Variants in PHF20 observed in about 807,000 individuals in gnomAD.
PHF20 encodes the protein PHD finger protein 20.
A neutral mutation model predicts 113.5 loss-of-function variants in PHF20; 23 were observed. The ratio of observed to expected loss-of-function variants is 0.20; its 90% CI spans 0.15 to 0.29. The LOEUF is 0.29. PHF20 is among the 10% of genes least tolerant of loss of function. The probability of loss-of-function intolerance (pLI) is 1.00; values close to 1 mark genes in which losing one functional copy is unlikely to be tolerated. For synonymous variants in PHF20, 434 were observed against 457.3 expected (o/e 0.95, Z 0.65); for missense variants, 943 against 1,219.6 (o/e 0.77, Z 3.38).
chr20:35,825,797 G>T (rs1189905847), intron 2 of PHF20, among the ~76,000 whole-genome samples: 1 of 152,038 alleles, frequency 6.6e-6, no homozygotes, highest in South Asian at 2.1e-4. Flanking sequence ...GGGATTATAG[G>T]CATGCACTAT....
chr20:35,858,772 C>T (rs1265860938), intron 5 of PHF20, among the ~76,000 whole-genome samples: 3 of 152,070 alleles, frequency 2.0e-5, no homozygotes, highest in Admixed American at 6.5e-5. Flanking sequence ...GGGGTTTCAC[C>T]GTATTGGTCA....
At chr20:35,926,878 A>T (rs1322836014) in intron 13 of PHF20, among the ~76,000 whole-genome samples, 1 of 152,040 alleles carries the variant, frequency 6.6e-6, no homozygotes, top group Non-Finnish European at 1.5e-5. Flanking sequence ...TTCTAGGGCT[A>T]ATTTGTTTGG....
chr20:35,826,675 T>C (rs1012580676), intron 2 of PHF20, among the ~76,000 whole-genome samples: 1 of 152,124 alleles, frequency 6.6e-6, no homozygotes, highest in African/African-American at 2.4e-5. Context: ...GAGTGAAAAT[T>C]TAAGCAGGAG....
chr20:35,867,949 A>G (rs1396204561), intron 6 of PHF20, among the ~76,000 whole-genome samples: 1 of 150,760 alleles, frequency 6.6e-6, no homozygotes, highest in Admixed American at 6.6e-5. Context: ...TGCCTTTTCA[A>G]TTCTCATCTT....
At chr20:35,898,492 G>A (rs2147055435) in intron 9 of PHF20, among the ~76,000 whole-genome samples, 2 of 152,286 alleles carry the variant, frequency 1.3e-5, no homozygotes, top group Admixed American at 1.3e-4. Flanking sequence ...GTGGAGCACA[G>A]TGGCATGATC....
At chr20:35,834,014 T>C (rs2042397301) in intron 2 of PHF20, among the ~76,000 whole-genome samples, 1 of 151,866 alleles carries the variant, frequency 6.6e-6, no homozygotes, top group Non-Finnish European at 1.5e-5. Flanking sequence ...GCCGAGATCA[T>C]GCCACTGTAC....
chr20:35,899,576 A>G lies in PHF20; in HGVS notation c.1489A>G (p.Arg497Gly), dbSNP rs1297636007. The change falls in exon 10 of 18, where the codon AGG (arginine) becomes GGG (glycine). Residue 497 changes from arginine (R) to glycine (G), a missense_variant. Coordinates refer to ENST00000374012, the MANE Select transcript of PHF20 (RefSeq NM_016436.5). The part of the protein sequence containing the change: ...ESPGKRHVQT[R>G]GPSASDKPSQ... ...CCCGGGAAAGAGGCATGTCCAAACC[A>G]GGGGCCCTTCAGCTTCAGACAAGCC... is the stretch of plus-strand genomic sequence containing the variant. The G allele has an allele frequency of 3.1e-6, 5 of 1,614,064 alleles. No individual in the cohort carries two copies. Among genetic ancestry groups the G allele is most frequent in the Non-Finnish European group, 4.2e-6 (5 of 1,180,038 alleles).
chr20:35,788,830 C>T (rs1452668101), intron 1 of PHF20, among the ~76,000 whole-genome samples: 4 of 152,214 alleles, frequency 2.6e-5, no homozygotes, highest in African/African-American at 9.6e-5. Context: ...CCACCTTGGC[C>T]TCCCAAAGTG....
At chr20:35,857,098 G>T (rs2042843548) in intron 4 of PHF20, among the ~76,000 whole-genome samples, 1 of 151,996 alleles carries the variant, frequency 6.6e-6, no homozygotes, top group African/African-American at 2.4e-5. Context: ...AGGGGGTGGG[G>T]GAATTGGTTC....
intron 1 of PHF20, among the ~76,000 whole-genome samples, chr20:35,778,118 C>G (rs1185440634): frequency 6.6e-6 from 1 of 152,004 alleles, no homozygotes; most frequent in East Asian, 1.9e-4. Context: ...GGGTCTTGCT[C>G]TGTTGCCTAG....
At chr20:35,777,434 C>T (rs2041197302) in intron 1 of PHF20, among the ~76,000 whole-genome samples, 1 of 152,226 alleles carries the variant, frequency 6.6e-6, no homozygotes, top group Admixed American at 6.5e-5. Flanking sequence ...GAATCAGTTG[C>T]CTGGTATGTC....
At chr20:35,895,813 G>A (rs2054970249) in intron 9 of PHF20, among the ~76,000 whole-genome samples, 1 of 151,340 alleles carries the variant, frequency 6.6e-6, no homozygotes, top group Non-Finnish European at 1.5e-5. Flanking sequence ...AGCCTCCGGA[G>A]TTGCTGGGAT....
At chr20:35,889,235 C>T (rs1356560420) in intron 9 of PHF20, among the ~76,000 whole-genome samples, 1 of 151,832 alleles carries the variant, frequency 6.6e-6, no homozygotes. Context: ...AGGCTAGTCT[C>T]GAACTCCTGA....
intron 13 of PHF20, among the ~76,000 whole-genome samples, chr20:35,924,076 A>G (rs1740583202): frequency 6.6e-6 from 1 of 151,966 alleles, no homozygotes; most frequent in South Asian, 2.1e-4. Flanking sequence ...CATTATAACC[A>G]TTTTTAAGTA....
intron 3 of PHF20, among the ~76,000 whole-genome samples, chr20:35,844,747 CAT>C (rs1276300262): frequency 1.3e-5 from 2 of 151,956 alleles, no homozygotes; most frequent in Non-Finnish European, 2.9e-5. Flanking sequence ...GAAATTTTAT[CAT>C]ATTAAAACAA....
chr20:35,862,930 G>A (rs1430012495), intron 5 of PHF20, 83 bp from the exon 6 acceptor site: 2 of 1,354,622 alleles, frequency 1.5e-6, no homozygotes, highest in East Asian at 2.3e-5. Context: ...TTCTTTGTTT[G>A]TCTTCATAAG....
In PHF20 at chr20:35,871,090, A is replaced by G. The variant is rs1485276210; in HGVS notation, c.1058A>G (p.Asp353Gly). Residue 353 changes from aspartate to glycine, a missense_variant, in exon 8 of 18, where the codon GAT (aspartate) becomes GGT (glycine). Around this residue, in one of 3 missense-constraint regions of PHF20, gnomAD observed 592 missense variants for 787.2 expected, o/e 0.75. Transcript: ENST00000374012. ...DLVVSDLVDT[D>G]PLQDTLSSTK... ...GTTGTATCAGATTTGGTTGATACGG[A>G]TCCTTTGCAAGACACGTTGTCTAGT... is the stretch of plus-strand genomic sequence containing the variant. 1 of 1,612,996 alleles carries G rather than the reference A, an allele frequency of 6.2e-7. No homozygotes were observed. The highest frequency in any genetic ancestry group is 1.1e-5 in the South Asian group (1 of 90,752).
rs1194849444 is a variant in PHF20, at chr20:35,915,063, T to G, written c.1825+866T>G. On this transcript the variant is annotated intron_variant, in intron 12 of 17. Coordinates refer to ENST00000374012, the MANE Select transcript of PHF20 (RefSeq NM_016436.5). Reference sequence around the variant, plus strand: ...AGGTAAAATGTTTTATATATATATATATAGATATACACACACTTACACACA... The same window carrying G: ...AGGTAAAATGTTTTATATATATATAGATAGATATACACACACTTACACACA... 2.7e-5 allele frequency among the ~76,000 whole-genome samples: 4 copies of G among 148,180 alleles called. No homozygotes were observed. The East Asian group carries it at 5.9e-4, about 22-fold the overall frequency.
At chr20:35,876,599 G>A (rs914780083) in intron 9 of PHF20, among the ~76,000 whole-genome samples, 2 of 151,962 alleles carry the variant, frequency 1.3e-5, no homozygotes, top group Non-Finnish European at 2.9e-5. Context: ...AGCCAGAGAC[G>A]AATGCAGTTG....
Sources: allele counts gnomAD v4.1 joint callset (sites outside exome capture counted in the v4.1 genomes callset), GRCh38; gene constraint gnomAD v4.1.1; regional missense constraint gnomAD v4.1.1; transcripts MANE v1.5; gene names NCBI Gene and HGNC (gene_info 2026-07-23, HGNC 2026-07-21).